The following DMD variants were observed in gnomAD, a reference collection of about 807,000 sequenced individuals.
DMD encodes the protein dystrophin, also known as mutant dystrophin.
Under a neutral mutation model 330.1 loss-of-function variants are expected in DMD, and 63 were observed. That is an observed-to-expected ratio of 0.19 (90% CI 0.16 to 0.24). The LOEUF is 0.24. Ranked by LOEUF, DMD falls within the 10% of genes least tolerant of loss-of-function variation. The pLI, the probability that DMD is intolerant of heterozygous loss-of-function variation, is 1.00. For missense variants in DMD, 3,344 were observed against 2,684.1 expected, an observed-to-expected ratio of 1.25 and a Z score of -5.43; for synonymous variants, 1,223 against 959.8, an observed-to-expected ratio of 1.27 and a Z score of -5.07.
chrX:31,121,973 C>T (rs772389266), intron 78 of DMD, 43 bp from the exon 79 acceptor site: 1 of 977,760 alleles, frequency 1.0e-6, no homozygotes, highest in Non-Finnish European at 1.5e-6. Context: ...ACAAAAGGTG[C>T]AGATAGATAG....
At chrX:32,510,709 A>G (rs1231120526) in intron 18 of DMD, among the ~76,000 whole-genome samples, 1 of 111,624 alleles carries the variant, frequency 9.0e-6, no homozygotes, top group Non-Finnish European at 1.9e-5. Flanking sequence ...ATAGCTTTAT[A>G]TAAAGTGGCC....
At chrX:32,573,914 T>C in intron 13 of DMD, 68 bp from the exon 14 acceptor site, 1 of 954,818 alleles carries the variant, frequency 1.0e-6, no homozygotes, top group Non-Finnish European at 1.5e-6. Context: ...AAAAATGGCA[T>C]GAATAATTTG....
intron 62 of DMD, among the ~76,000 whole-genome samples, chrX:31,314,154 A>G (rs1179818940): frequency 3.6e-5 from 4 of 111,598 alleles, no homozygotes; most frequent in African/African-American, 1.3e-4. Flanking sequence ...TTTTTTCTTT[A>G]TTGGATAATA....
chrX:32,398,935 C>T (rs1171134113), intron 30 of DMD, among the ~76,000 whole-genome samples: 1 of 111,414 alleles, frequency 9.0e-6, no homozygotes, highest in Non-Finnish European at 1.9e-5. Flanking sequence ...AGAGATAAAT[C>T]CATACATCTA....
intron 9 of DMD, among the ~76,000 whole-genome samples, chrX:32,690,707 T>C (rs762781541): frequency 1.8e-5 from 2 of 111,667 alleles, no homozygotes; most frequent in African/African-American, 6.5e-5. Flanking sequence ...GGTTAACTGA[T>C]GTTCCACGAT....
At chrX:32,287,978 G>T (rs1179475725) in intron 42 of DMD, among the ~76,000 whole-genome samples, 1 of 110,296 alleles carries the variant, frequency 9.1e-6, no homozygotes, top group Non-Finnish European at 1.9e-5. Context: ...GCTTTCCTTT[G>T]CTGGATCCTT....
intron 1 of DMD, among the ~76,000 whole-genome samples, chrX:33,060,947 A>AT (rs966493627): frequency 3.6e-5 from 4 of 112,172 alleles, no homozygotes; most frequent in Non-Finnish European, 7.5e-5. Flanking sequence ...AAGTTAAACA[A>AT]TTTTTTTAAC....
Position 31,564,257 on chromosome X carries a change from T to C in DMD, c.8218-56804A>G, listed in dbSNP as rs73453980. 9.3e-3 allele frequency among the ~76,000 whole-genome samples: 1,045 copies of C among 111,952 alleles called. 16 individuals are homozygous for C. The highest frequency in any genetic ancestry group is 0.032 in the African/African-American group (994 of 30,827). On this transcript the variant is annotated intron_variant, in intron 55 of 78. Coordinates refer to ENST00000357033, the MANE Select transcript of DMD (RefSeq NM_004006.3). Reference sequence around the variant, plus strand: ...TCATCCAGTTTGTGGTATTTCACTATTGCAGTCATAGGAAACAAATACATT... The same window carrying C: ...TCATCCAGTTTGTGGTATTTCACTACTGCAGTCATAGGAAACAAATACATT...
intron 37 of DMD, among the ~76,000 whole-genome samples, chrX:32,355,937 G>A (rs962999208): frequency 2.7e-5 from 3 of 109,575 alleles, no homozygotes; most frequent in African/African-American, 9.9e-5. Flanking sequence ...AAAATTTAAA[G>A]AATATATATA....
At chrX:32,377,609 T>A (rs1279660617) in intron 34 of DMD, among the ~76,000 whole-genome samples, 1 of 111,639 alleles carries the variant, frequency 9.0e-6, no homozygotes, top group Non-Finnish European at 1.9e-5. Context: ...GTGTTCTCAG[T>A]TAGAAACAAT....
chrX:31,484,850 T>C (rs773490716), intron 57 of DMD, among the ~76,000 whole-genome samples: 16 of 112,266 alleles, frequency 1.4e-4, no homozygotes, highest in Non-Finnish European at 1.9e-4. Flanking sequence ...AGGAAAGATA[T>C]AGAGACTTAA....
chrX:32,318,661 GAAT>G (rs2097594405), intron 41 of DMD, among the ~76,000 whole-genome samples: 2 of 111,270 alleles, frequency 1.8e-5, no homozygotes, highest in South Asian at 7.5e-4. Context: ...GTCCATCTCA[GAAT>G]AATTATTCAG....
rs148976552 is a variant in DMD at position 31,910,727 on chromosome X, G to A, written c.6912+18869C>T. 1.1e-3 allele frequency among the ~76,000 whole-genome samples: 124 copies of A among 111,526 alleles called. 1 individual carries two copies. Among genetic ancestry groups the A allele is most frequent in the African/African-American group, 4.0e-3 (122 of 30,653 alleles). On this transcript the variant is annotated intron_variant, in intron 47 of 78. Coordinates refer to ENST00000357033, the MANE Select transcript of DMD (RefSeq NM_004006.3). ...GAGAAGTCAGATTTAGAGATTGGTG[G>A]TATTAAGAGAGAAGGAAAAAAGGTA...
chrX:32,356,100 A>G (rs1384089795), intron 37 of DMD, among the ~76,000 whole-genome samples: 1 of 110,448 alleles, frequency 9.1e-6, no homozygotes, highest in African/African-American at 3.3e-5. Context: ...TTTTCAATCC[A>G]ATACATCTTC....
At chrX:32,707,065 C>A (rs886611340) in intron 7 of DMD, among the ~76,000 whole-genome samples, 1 of 109,240 alleles carries the variant, frequency 9.2e-6, no homozygotes, top group African/African-American at 3.4e-5. Context: ...GTACTCCAGC[C>A]TGGGAAACAG....
intron 55 of DMD, among the ~76,000 whole-genome samples, chrX:31,579,286 C>A (rs2076240171): frequency 8.9e-6 from 1 of 112,125 alleles, no homozygotes. Flanking sequence ...AATGAGCAAT[C>A]CAACAACATT....
intron 2 of DMD, among the ~76,000 whole-genome samples, chrX:32,907,970 C>A (rs1185760286): frequency 3.6e-5 from 4 of 111,306 alleles, no homozygotes; most frequent in African/African-American, 1.3e-4. Flanking sequence ...CTACACATGA[C>A]ACATCTCTTT....
At chrX:32,601,947 T>G (rs2056253864) in intron 12 of DMD, among the ~76,000 whole-genome samples, 2 of 111,996 alleles carry the variant, frequency 1.8e-5, no homozygotes, top group Admixed American at 1.9e-4. Flanking sequence ...TAAACTGCAA[T>G]GACCTAACCT....
intron 61 of DMD, among the ~76,000 whole-genome samples, chrX:31,329,547 A>G: frequency 8.9e-6 from 1 of 111,989 alleles, no homozygotes; most frequent in East Asian, 2.8e-4. Flanking sequence ...GGCAGGGGAA[A>G]CGAGAAATTG....
Sources: gnomAD v4.1 joint callset for allele counts (sites outside exome capture counted in the v4.1 genomes callset) on GRCh38, gnomAD v4.1.1 for gene constraint, MANE v1.5 for transcripts, NCBI Gene and HGNC (gene_info 2026-07-23, HGNC 2026-07-21) for gene names.